SLC45A1: variants seen among roughly 807,000 people sequenced by gnomAD.
SLC45A1 encodes the protein proton-associated sugar transporter A.
Under a neutral mutation model 57.6 loss-of-function variants are expected in SLC45A1, and 28 were observed. That is an observed-to-expected ratio of 0.49 (90% CI 0.36 to 0.67). SLC45A1 has a LOEUF of 0.67. Among genes scored for constraint, SLC45A1 ranks in the 30% least tolerant of loss-of-function variants. The pLI is 0.00. For missense variants in SLC45A1, 814 were observed against 1,041.5 expected, an observed-to-expected ratio of 0.78 and a Z score of 3.01; for synonymous variants, 459 against 471.5, an observed-to-expected ratio of 0.97 and a Z score of 0.34.
At chr1:8,334,823 G>A (rs757766403) in intron 5 of SLC45A1, among the ~76,000 whole-genome samples, 32 of 152,178 alleles carry the variant, frequency 2.1e-4, no homozygotes, top group Admixed American at 9.8e-4. Flanking sequence ...TTTGCAAACC[G>A]AGTGAAGATG....
At chr1:8,321,219 C>T (rs1640001120) in intron 1 of SLC45A1, among the ~76,000 whole-genome samples, 1 of 152,202 alleles carries the variant, frequency 6.6e-6, no homozygotes, top group Non-Finnish European at 1.5e-5. Flanking sequence ...TCTTGATTTA[C>T]TCCTTATAAA....
intron 5 of SLC45A1, among the ~76,000 whole-genome samples, chr1:8,331,292 A>G (rs1333798350): frequency 2.1e-5 from 3 of 146,192 alleles, no homozygotes; most frequent in African/African-American, 7.5e-5. Context: ...TTTTTAAAAA[A>G]CACTTTTAAA....
At position 8,335,760 on chromosome 1, in the gene SLC45A1, C is replaced by G. The variant is rs1184361617; in HGVS notation, c.1597+170C>G. On this transcript the variant is annotated intron_variant, in intron 6 of 8. Coordinates refer to ENST00000471889, the MANE Select transcript of SLC45A1 (RefSeq NM_001080397.3). This position sits in a 1 kb window ranked among gnomAD's most constrained non-coding sequence, Gnocchi z 4.1. ...GGGGTGTGGTGGCTGCCCTGGAGGG[C>G]TTTTCTCCAGGGTGCCTGCCCTGCA... is the stretch of plus-strand genomic sequence containing the variant. Among the ~76,000 whole-genome samples, 1 of 152,160 alleles carries G rather than the reference C, an allele frequency of 6.6e-6. No individual in the cohort carries two copies. The highest frequency in any genetic ancestry group is 2.4e-5 in the African/African-American group (1 of 41,440).
intron 1 of SLC45A1, among the ~76,000 whole-genome samples, chr1:8,323,796 G>A (rs1640107141): frequency 6.6e-6 from 1 of 152,212 alleles, no homozygotes; most frequent in Admixed American, 6.5e-5. Flanking sequence ...GGAGAGGACT[G>A]GCTCTGACTC....
chr1:8,324,508 C>T lies in SLC45A1; in HGVS notation c.179C>T (p.Pro60Leu). 6.2e-7 allele frequency: 1 copy of T among 1,610,502 alleles called. No homozygotes were observed. The highest frequency in any genetic ancestry group is 8.5e-7 in the Non-Finnish European group (1 of 1,178,154). The change falls in exon 2 of 9, where the codon CCA becomes CTA. Residue 60 changes from proline to leucine, a missense_variant. Transcript: ENST00000471889. ...AGGAGGAAGTGCATTCGTCCCTCCC[C>T]ACCCCCGCCCCCCAACACCCCGTGC... ...PKRRKCIRPS[P>L]PPPPNTPCPL...
At chr1:8,321,528 C>A (rs991525309) in intron 1 of SLC45A1, among the ~76,000 whole-genome samples, 3 of 152,148 alleles carry the variant, frequency 2.0e-5, no homozygotes, top group African/African-American at 7.2e-5. Context: ...ATTCTACCCC[C>A]CAGGAAGGCC....
Position 8,338,403 on chromosome 1 carries a change from C to T in SLC45A1, c.1774+411C>T, listed in dbSNP as rs116780003. Among the ~76,000 whole-genome samples the T allele has an allele frequency of 7.9e-3, 1,205 of 152,272 alleles. 13 individuals are homozygous for T. The highest frequency in any genetic ancestry group is 0.026 in the African/African-American group (1,100 of 41,566). On this transcript the variant is annotated intron_variant, in intron 7 of 8. Coordinates refer to ENST00000471889, the MANE Select transcript of SLC45A1 (RefSeq NM_001080397.3). The stretch of plus-strand genomic sequence containing the variant: ...GGGGCAGGGGTGTGTGGTCGTGGAG[C>T]GTAGGGGTGGGCAGGGGCCAGGGGC...
rs2124296870 is a variant in SLC45A1, at chr1:8,326,839, G to T, written c.715+797G>T. On this transcript the variant is annotated intron_variant, in intron 4 of 8. Coordinates refer to ENST00000471889, the MANE Select transcript of SLC45A1 (RefSeq NM_001080397.3). This position sits in a 1 kb window ranked among gnomAD's most constrained non-coding sequence, Gnocchi z 5.5. ...ACTAAAAATACAAAAAATTAGCTGG[G>T]CGTGGTGGCACATGCCTGTAATCCC... is the stretch of plus-strand genomic sequence containing the variant. Among the ~76,000 whole-genome samples the T allele has an allele frequency of 1.3e-5, 2 of 152,328 alleles. No homozygotes were observed. Among genetic ancestry groups the T allele is most frequent in the Admixed American group, 1.3e-4 (2 of 15,292 alleles).
At chr1:8,339,443 C>A in intron 7 of SLC45A1, 50 bp from the exon 8 acceptor site, 1 of 1,589,002 alleles carries the variant, frequency 6.3e-7, no homozygotes, top group Non-Finnish European at 8.6e-7. Flanking sequence ...AAGCTGAATC[C>A]CCGGAGGCTC....
intron 8 of SLC45A1, among the ~76,000 whole-genome samples, chr1:8,341,518 G>GTGGCTATGTAAATAAATAA: frequency 7.0e-6 from 1 of 142,900 alleles, no homozygotes; most frequent in East Asian, 2.1e-4. Context: ...CTGGGCGACA[G>GTGGCTATGTAAATAAATAA]AGCGAGACTC....
At position 8,343,774 on chromosome 1, in the gene SLC45A1, CGGCGG is replaced by C; in HGVS notation, c.2012_2016del (p.Arg671HisfsTer58). ...TGCAGGGTCCAGTGCGGACGGCACCCGGCGGGGCATGGGCGTGGACATCTCTCTGC... is the reference window on the plus strand; with the variant it reads ...TGCAGGGTCCAGTGCGGACGGCACCCGGCATGGGCGTGGACATCTCTCTGC... On this transcript the variant is annotated frameshift_variant, in exon 9 of 9. Transcript: ENST00000471889. LOFTEE classifies it high-confidence loss of function. The surrounding 1 kb of genome is among the most constrained non-coding windows in gnomAD (Gnocchi z 7.7). 2 of 1,613,592 alleles carry C rather than the reference CGGCGG, an allele frequency of 1.2e-6. No individual in the cohort carries two copies. Among genetic ancestry groups the C allele is most frequent in the Non-Finnish European group, 1.7e-6 (2 of 1,179,706 alleles).
Position 8,326,086 on chromosome 1 carries a change from A to C in SLC45A1, c.715+44A>C. 1.3e-6 allele frequency: 2 copies of C among 1,527,698 alleles called. No individual in the cohort carries two copies. Among genetic ancestry groups the C allele is most frequent in the Non-Finnish European group, 1.8e-6 (2 of 1,117,430 alleles). The allele number at this position is 1,527,698 out of a possible 1,614,324, so 94.6% of individuals were successfully genotyped here. A position where few individuals can be genotyped will look rare whatever the true frequency, so the allele number is the denominator to read the frequency against. ...GCCGAAGCTGAATCTGCCGGGCTGC[A>C]GGCTTCAGACGTGTGGCTTTCGAGG... On this transcript the variant is annotated intron_variant, in intron 4 of 8. Coordinates refer to ENST00000471889, the MANE Select transcript of SLC45A1 (RefSeq NM_001080397.3). The surrounding 1 kb of genome is among the most constrained non-coding windows in gnomAD (Gnocchi z 5.5).
In SLC45A1 at chr1:8,325,241, G is replaced by A. The variant is rs1218856698; in HGVS notation, c.398-57G>A. 2.3e-5 allele frequency: 25 copies of A among 1,108,532 alleles called. No homozygotes were observed. In the South Asian group the frequency reaches 2.6e-4, roughly 12 times the overall value. 68.7% of individuals were successfully genotyped at this position (1,108,532 alleles called of 1,614,324 possible). A position where few individuals can be genotyped will look rare whatever the true frequency, so the allele number is the denominator to read the frequency against. On this transcript the variant is annotated intron_variant, in intron 2 of 8. Coordinates refer to ENST00000471889, the MANE Select transcript of SLC45A1 (RefSeq NM_001080397.3). This position sits in a 1 kb window ranked among gnomAD's most constrained non-coding sequence, Gnocchi z 6.3. Reference sequence around the variant, plus strand: ...ACTTCAGGAATGTGGAGGCTGATTCGATGTCCCCATGTGCCATGGGGACCC... The same window carrying A: ...ACTTCAGGAATGTGGAGGCTGATTCAATGTCCCCATGTGCCATGGGGACCC...
At chr1:8,336,855 C>T (rs1012849368) in intron 6 of SLC45A1, among the ~76,000 whole-genome samples, 4 of 152,132 alleles carry the variant, frequency 2.6e-5, no homozygotes, top group Admixed American at 6.5e-5. Context: ...GTTCAAGGAA[C>T]GGAGCGCTAA....
intron 8 of SLC45A1, among the ~76,000 whole-genome samples, chr1:8,341,124 G>A (rs373512575): frequency 6.6e-6 from 1 of 151,356 alleles, no homozygotes; most frequent in East Asian, 1.9e-4. Flanking sequence ...TCTGGGAGGC[G>A]GAGGTTGCAG....
Position 8,318,689 on chromosome 1 carries a change from C to T in SLC45A1, c.-25+503C>T, listed in dbSNP as rs750208116. Among the ~76,000 whole-genome samples, 130 of 152,346 alleles carry T rather than the reference C, an allele frequency of 8.5e-4. 1 individual carries two copies. The highest frequency in any genetic ancestry group is 3.9e-3 in the Admixed American group (60 of 15,300). ...ACGCGCTGAGGTGGAAGCCGTTCAG[C>T]TCCTTCTGCCCTCGACAATCAGCAA... is the stretch of plus-strand genomic sequence containing the variant. On this transcript the variant is annotated intron_variant, in intron 1 of 8. Transcript: ENST00000471889.
At chr1:8,333,919 G>A (rs1016046071) in intron 5 of SLC45A1, among the ~76,000 whole-genome samples, 19 of 152,258 alleles carry the variant, frequency 1.2e-4, no homozygotes, top group Admixed American at 4.6e-4. Flanking sequence ...GCGAGCTCCC[G>A]TCTGGAAAGG....
At chr1:8,338,530 T>G (rs925568892) in intron 7 of SLC45A1, among the ~76,000 whole-genome samples, 2 of 152,214 alleles carry the variant, frequency 1.3e-5, no homozygotes, top group African/African-American at 2.4e-5. Flanking sequence ...GCCTGGCCGG[T>G]AGCGTGCACC....
At position 8,324,647 on chromosome 1, in the gene SLC45A1, G is replaced by A. The variant is rs751344756; in HGVS notation, c.318G>A (p.Ala106=). 1.0e-5 allele frequency: 16 copies of A among 1,605,060 alleles called. No homozygotes were observed. In the Admixed American group the frequency reaches 1.5e-4, roughly 15 times the overall value. The change falls in exon 2 of 9, where the codon GCG becomes GCA. Residue 106 remains alanine, a synonymous_variant. Transcript: ENST00000471889. The part of the protein sequence containing the change: ...GIEFSYAMET[A]YVTPVLLQMG... ...AGTTCAGCTACGCCATGGAGACGGC[G>A]TACGTGACCCCGGTGCTCCTGCAGA...
Sources: gnomAD v4.1 joint callset for allele counts (sites outside exome capture counted in the v4.1 genomes callset) on GRCh38, gnomAD v4.1.1 for gene constraint, Gnocchi (gnomAD v3.1) non-coding constraint, MANE v1.5 for transcripts, NCBI Gene and HGNC (gene_info 2026-07-23, HGNC 2026-07-21) for gene names.